STARD13: variants seen among roughly 807,000 people sequenced by gnomAD.
The protein encoded by STARD13 is StAR related lipid transfer domain containing 13.
STARD13 carries 62 observed loss-of-function variants against 106.4 expected under a neutral mutation model. The observed-to-expected ratio is 0.58, with a 90% CI of 0.48 to 0.72. The LOEUF is 0.72. Ranked by LOEUF, STARD13 falls within the 30% of genes least tolerant of loss-of-function variation. STARD13 has a pLI of 0.00. For synonymous variants in STARD13, 565 were observed against 553.0 expected, an observed-to-expected ratio of 1.02 and a Z score of -0.31; for missense variants, 1,387 against 1,424.0, an observed-to-expected ratio of 0.97 and a Z score of 0.42.
chr13:33,496,526 A>G, the STARD13 span, among the ~76,000 whole-genome samples: 1 of 151,896 alleles, frequency 6.6e-6, no homozygotes, highest in East Asian at 1.9e-4. Flanking sequence ...TGATTATGCA[A>G]TTTCTCTTCT....
chr13:33,493,809 C>T, the STARD13 span, among the ~76,000 whole-genome samples: 6 of 152,066 alleles, frequency 3.9e-5, no homozygotes, highest in Non-Finnish European at 7.4e-5. Context: ...ACTCTTCAGC[C>T]CCACACTTAA....
At chr13:33,158,310 A>G (rs951131645) in intron 3 of STARD13, among the ~76,000 whole-genome samples, 4 of 152,172 alleles carry the variant, frequency 2.6e-5, no homozygotes, top group African/African-American at 9.7e-5. Flanking sequence ...TTCCAAACCA[A>G]TCAAAAAAGG....
the STARD13 span, among the ~76,000 whole-genome samples, chr13:33,521,175 G>T: frequency 1.3e-5 from 2 of 152,252 alleles, no homozygotes; most frequent in South Asian, 4.1e-4. Context: ...TCACAAATGA[G>T]CACATGTTCC....
chr13:33,121,940 G>A (rs1876390152), intron 7 of STARD13, among the ~76,000 whole-genome samples: 1 of 152,028 alleles, frequency 6.6e-6, no homozygotes, highest in Admixed American at 6.5e-5. Flanking sequence ...CTGCCTCCTG[G>A]GTTCAAGCAA....
chr13:33,415,875 A>G, the STARD13 span, among the ~76,000 whole-genome samples: 1 of 152,236 alleles, frequency 6.6e-6, no homozygotes, highest in African/African-American at 2.4e-5. Context: ...TAGATTAGAA[A>G]AGTGCATTAG....
chr13:33,489,257 A>G, the STARD13 span, among the ~76,000 whole-genome samples: 10 of 152,252 alleles, frequency 6.6e-5, no homozygotes. Context: ...GAAAATAAAT[A>G]TCAAGTTATA....
the STARD13 span, among the ~76,000 whole-genome samples, chr13:33,381,550 A>T: frequency 6.6e-6 from 1 of 152,030 alleles, no homozygotes; most frequent in East Asian, 1.9e-4. Context: ...GACCAGCCTG[A>T]CCAACATGAT....
the STARD13 span, among the ~76,000 whole-genome samples, chr13:33,463,197 CT>C: frequency 1.3e-5 from 2 of 152,186 alleles, no homozygotes; most frequent in Non-Finnish European, 2.9e-5. Flanking sequence ...TAGACAGCAA[CT>C]TTTATTGAAG....
chr13:33,478,696 A>T, the STARD13 span, among the ~76,000 whole-genome samples: 1 of 152,156 alleles, frequency 6.6e-6, no homozygotes, highest in Non-Finnish European at 1.5e-5. Flanking sequence ...CAGGAGGATC[A>T]CTTGAGCCCA....
At chr13:33,396,157 T>C in the STARD13 span, among the ~76,000 whole-genome samples, 1 of 152,040 alleles carries the variant, frequency 6.6e-6, no homozygotes, top group East Asian at 1.9e-4. Context: ...CAGCTAATTT[T>C]TTAGTTTTAA....
chr13:33,184,950 T>C (rs958996312), intron 1 of STARD13, among the ~76,000 whole-genome samples: 1 of 152,260 alleles, frequency 6.6e-6, no homozygotes, highest in Non-Finnish European at 1.5e-5. Flanking sequence ...CTTCTTTTAA[T>C]GCAACAAAGC....
chr13:33,577,758 C>T, the STARD13 span, among the ~76,000 whole-genome samples: 1 of 152,028 alleles, frequency 6.6e-6, no homozygotes, highest in African/African-American at 2.4e-5. Flanking sequence ...AACCATAAAA[C>T]TCCTAGAAAA....
chr13:33,513,968 A>T, the STARD13 span, among the ~76,000 whole-genome samples: 4 of 152,198 alleles, frequency 2.6e-5, no homozygotes, highest in African/African-American at 9.6e-5. Flanking sequence ...TGAGAGAAAA[A>T]TATTTTAACC....
At chr13:33,659,415 C>T in the STARD13 span, among the ~76,000 whole-genome samples, 5 of 152,216 alleles carry the variant, frequency 3.3e-5, no homozygotes, top group East Asian at 3.9e-4. Flanking sequence ...GGGGTTTCAT[C>T]ATGTTGGCCA....
At chr13:33,201,721 G>C (rs77895541) in intron 1 of STARD13, among the ~76,000 whole-genome samples, 8 of 152,138 alleles carry the variant, frequency 5.3e-5, no homozygotes, top group Non-Finnish European at 7.4e-5. Context: ...GGCCTCAAAG[G>C]TTACCTTATT....
At chr13:33,650,131 T>C in the STARD13 span, among the ~76,000 whole-genome samples, 1 of 145,006 alleles carries the variant, frequency 6.9e-6, no homozygotes, top group Non-Finnish European at 1.5e-5. Flanking sequence ...GTGGAGCCTA[T>C]TTGGTCCCAC....
chr13:33,338,295 C>T (rs754362476), intron 1 of STARD13, among the ~76,000 whole-genome samples: 4 of 152,156 alleles, frequency 2.6e-5, no homozygotes, highest in African/African-American at 7.2e-5. Context: ...TCTAGTTTTA[C>T]GGACTCATTG....
intron 1 of STARD13, among the ~76,000 whole-genome samples, chr13:33,223,035 G>A (rs569207907): frequency 4.3e-4 from 65 of 152,330 alleles, no homozygotes; most frequent in African/African-American, 1.5e-3. Flanking sequence ...CTGCTACTCA[G>A]GATCACTGAA....
intron 5 of STARD13, 107 bp downstream of exon 5, chr13:33,128,798 TAATCACATACATCACTTAGAACAG>T (rs1877648256): frequency 7.9e-6 from 7 of 884,412 alleles, no homozygotes; most frequent in Middle Eastern, 4.5e-4. Context: ...AAATAATTCC[TAATCACATACATCACTTAGAACAG>T]AGTCAGGCAT....
Sources: gnomAD v4.1 joint callset for allele counts (sites outside exome capture counted in the v4.1 genomes callset) on GRCh38, gnomAD v4.1.1 for gene constraint, MANE v1.5 for transcripts, NCBI Gene and HGNC (gene_info 2026-07-23, HGNC 2026-07-21) for gene names.